The following ARHGEF28 variants were observed in gnomAD, a reference collection of about 807,000 sequenced individuals.
ARHGEF28 encodes the protein 190 kDa guanine nucleotide exchange factor.
ARHGEF28 carries 152 observed loss-of-function variants against 206.6 expected under a neutral mutation model. The ratio of observed to expected loss-of-function variants is 0.74; its 90% CI spans 0.64 to 0.84. The LOEUF is 0.84. Among genes scored for constraint, ARHGEF28 ranks in the 40% least tolerant of loss-of-function variants. ARHGEF28 has a pLI of 0.00. For synonymous variants in ARHGEF28, 763 were observed against 776.4 expected, an observed-to-expected ratio of 0.98 and a Z score of 0.29; for missense variants, 2,028 against 2,073.2, an observed-to-expected ratio of 0.98 and a Z score of 0.42.
chr5:73,888,943 T>G (rs923832069), intron 26 of ARHGEF28, among the ~76,000 whole-genome samples: 4 of 152,196 alleles, frequency 2.6e-5, no homozygotes, highest in Admixed American at 6.5e-5. Context: ...TAACCTGACA[T>G]GTAACTGCAT....
chr5:73,669,187 T>C (rs1298168293), intron 1 of ARHGEF28, among the ~76,000 whole-genome samples: 1 of 152,168 alleles, frequency 6.6e-6, no homozygotes, highest in Non-Finnish European at 1.5e-5. Context: ...CCACACAAAA[T>C]AATCCAAACA....
chr5:73,940,709 C>A, intron 35 of ARHGEF28, 135 bp from the exon 36 acceptor site: 1 of 642,336 alleles, frequency 1.6e-6, no homozygotes, highest in Non-Finnish European at 2.3e-6. Context: ...ATGTTCCTTT[C>A]TCATTGGGCT....
chr5:73,754,359 G>T (rs1752189211), intron 4 of ARHGEF28, among the ~76,000 whole-genome samples: 2 of 152,154 alleles, frequency 1.3e-5, no homozygotes, highest in Admixed American at 1.3e-4. Context: ...TTGGATGAGG[G>T]AAGTCACAAG....
chr5:73,933,321 A>G lies in ARHGEF28; in HGVS notation c.4949-7523A>G, dbSNP rs779001693. ...AAGAGCAAAGCCCATACCTGAATCT[A>G]TCTTCTTTTTAATGGGTAGCTATAA... On this transcript the variant is annotated intron_variant, in intron 35 of 35. Coordinates refer to ENST00000513042, the MANE Select transcript of ARHGEF28 (RefSeq NM_001177693.2). 7.9e-5 allele frequency among the ~76,000 whole-genome samples: 12 copies of G among 152,308 alleles called. 1 individual carries two copies. Among genetic ancestry groups the G allele is most frequent in the African/African-American group, 1.7e-4 (7 of 41,570 alleles).
chr5:73,807,754 G>A (rs1418305474), intron 9 of ARHGEF28, among the ~76,000 whole-genome samples: 1 of 151,942 alleles, frequency 6.6e-6, no homozygotes, highest in African/African-American at 2.4e-5. Flanking sequence ...CCAAAGTTCT[G>A]GGATTACAGG....
intron 9 of ARHGEF28, among the ~76,000 whole-genome samples, chr5:73,805,561 T>G (rs1755385806): frequency 6.6e-6 from 1 of 152,198 alleles, no homozygotes; most frequent in African/African-American, 2.4e-5. Context: ...TTAATACCAC[T>G]CTACATGTAT....
intron 33 of ARHGEF28, 35 bp downstream of exon 33, chr5:73,904,440 TG>T: frequency 6.4e-7 from 1 of 1,570,468 alleles, no homozygotes; most frequent in Non-Finnish European, 8.7e-7. Flanking sequence ...ACCTTGTGAA[TG>T]GTTCTCTTAA....
intron 9 of ARHGEF28, among the ~76,000 whole-genome samples, chr5:73,825,352 C>A (rs62357748): frequency 0.16 from 23,650 of 152,132 alleles, 1,915 homozygotes; most frequent in Non-Finnish European, 0.17. Flanking sequence ...GGGAAGAGCC[C>A]TGCTGGAAGG....
chr5:73,805,683 G>C (rs1755394028), intron 9 of ARHGEF28, among the ~76,000 whole-genome samples: 1 of 152,168 alleles, frequency 6.6e-6, no homozygotes, highest in South Asian at 2.1e-4. Context: ...TGTGGTAACA[G>C]ATTAGAGTTG....
intron 4 of ARHGEF28, among the ~76,000 whole-genome samples, chr5:73,756,871 G>A (rs1207588578): frequency 6.6e-6 from 1 of 152,210 alleles, no homozygotes; most frequent in Non-Finnish European, 1.5e-5. Flanking sequence ...GAATCAAGTA[G>A]TTGGACATAA....
At chr5:73,733,913 G>A (rs958255928) in intron 2 of ARHGEF28, among the ~76,000 whole-genome samples, 7 of 152,118 alleles carry the variant, frequency 4.6e-5, no homozygotes, top group Non-Finnish European at 1.0e-4. Context: ...GGCAGAAGGT[G>A]AAGGGGGAGC....
intron 21 of ARHGEF28, among the ~76,000 whole-genome samples, chr5:73,872,190 G>A (rs1205975745): frequency 1.3e-5 from 2 of 152,132 alleles, no homozygotes; most frequent in Admixed American, 1.3e-4. Flanking sequence ...TAATATGTGT[G>A]AAGTGATGTG....
At chr5:73,834,997 G>C (rs549255813) in intron 10 of ARHGEF28, 1 of 152,310 alleles carries the variant, frequency 6.6e-6, no homozygotes, top group East Asian at 1.9e-4. Context: ...GTGGCTGGCA[G>C]CCCCTAGGTA....
Position 73,941,156 on chromosome 5 carries a change from T to G in ARHGEF28, c.*143T>G. The G allele has an allele frequency of 1.2e-6, 1 of 801,102 alleles. No individual in the cohort carries two copies. The highest frequency in any genetic ancestry group is 3.7e-5 in the South Asian group (1 of 27,004). 49.6% of individuals were successfully genotyped at this position (801,102 alleles called of 1,614,324 possible). A position where few individuals can be genotyped will look rare whatever the true frequency, so the allele number is the denominator to read the frequency against. On this transcript the variant is annotated 3_prime_UTR_variant, in exon 36 of 36. Coordinates refer to ENST00000513042, the MANE Select transcript of ARHGEF28 (RefSeq NM_001177693.2). The stretch of plus-strand genomic sequence containing the variant: ...TAATATTTCCTGGAAGCTCATTTTT[T>G]TGGCATGAGTCTAATTAAATTATTG...
intron 35 of ARHGEF28, among the ~76,000 whole-genome samples, chr5:73,915,157 T>TC (rs1763140149): frequency 6.6e-6 from 1 of 152,112 alleles, no homozygotes; most frequent in Non-Finnish European, 1.5e-5. Context: ...GGTTTTTTTT[T>TC]CTCCCCTCCT....
At chr5:73,727,409 T>G (rs542729182) in intron 2 of ARHGEF28, among the ~76,000 whole-genome samples, 3 of 152,324 alleles carry the variant, frequency 2.0e-5, no homozygotes, top group African/African-American at 7.2e-5. Flanking sequence ...GTTTGAATGA[T>G]TTTTATCATG....
intron 2 of ARHGEF28, among the ~76,000 whole-genome samples, chr5:73,699,876 T>A (rs10515161): frequency 6.6e-6 from 1 of 152,036 alleles, no homozygotes; most frequent in Non-Finnish European, 1.5e-5. Context: ...CTATTTAAAT[T>A]TACTTGACCA....
chr5:73,637,288 C>G (rs1743782273), intron 1 of ARHGEF28, among the ~76,000 whole-genome samples: 1 of 152,080 alleles, frequency 6.6e-6, no homozygotes. Context: ...TCTCCCTTCC[C>G]CTAACCCCGC....
intron 16 of ARHGEF28, among the ~76,000 whole-genome samples, chr5:73,860,733 C>T (rs1579999694): frequency 6.6e-6 from 1 of 152,298 alleles, no homozygotes; most frequent in East Asian, 1.9e-4. Context: ...TTGTAAAACA[C>T]CACTTTCATC....
Sources: gnomAD v4.1 joint callset for allele counts (sites outside exome capture counted in the v4.1 genomes callset) on GRCh38, gnomAD v4.1.1 for gene constraint, MANE v1.5 for transcripts, NCBI Gene and HGNC (gene_info 2026-07-23, HGNC 2026-07-21) for gene names.